The following SIAH2 variants were observed in gnomAD, a reference collection of about 807,000 sequenced individuals.
The protein encoded by SIAH2 is E3 ubiquitin-protein ligase SIAH2.
Under a neutral mutation model 20.4 loss-of-function variants are expected in SIAH2, and 4 were observed. The ratio of observed to expected loss-of-function variants is 0.20; its 90% CI spans 0.10 to 0.45. The LOEUF is 0.45. SIAH2 is among the 20% of genes least tolerant of loss of function. SIAH2 has a pLI of 0.99. For missense variants in SIAH2, 259 were observed against 440.3 expected, an observed-to-expected ratio of 0.59 and a Z score of 3.69; for synonymous variants, 171 against 192.5, an observed-to-expected ratio of 0.89 and a Z score of 0.93.
In SIAH2 at chr3:150,762,720, C is replaced by G; in HGVS notation, c.130G>C (p.Gly44Arg). ...GCCGCGGCGGGCACCGCGGACGAGC[C>G]GGGGCCCGCAGCCGAGATGGTGGCG... is the stretch of plus-strand genomic sequence containing the variant. ...AAATISAAGP[G>R]SSAVPAAAAV... Residue 44 changes from glycine to arginine, a missense_variant, in exon 1 of 2, where the codon GGC becomes CGC. This residue lies in a region of SIAH2 where 99 missense variants were observed against 112.7 expected (regional missense o/e 0.88). Coordinates refer to ENST00000312960, the MANE Select transcript of SIAH2 (RefSeq NM_005067.7). This position sits in a 1 kb window ranked among gnomAD's most constrained non-coding sequence, Gnocchi z 6.6. The G allele has an allele frequency of 8.3e-7, 1 of 1,198,692 alleles. No homozygotes were observed. Among genetic ancestry groups the G allele is most frequent in the Non-Finnish European group, 1.0e-6 (1 of 962,182 alleles). 74.3% of individuals were successfully genotyped at this position (1,198,692 alleles called of 1,614,324 possible).
At chr3:150,758,829 G>C (rs1458230319) in intron 1 of SIAH2, among the ~76,000 whole-genome samples, 1 of 150,340 alleles carries the variant, frequency 6.7e-6, no homozygotes, top group African/African-American at 2.5e-5. Context: ...TGCAACCTCT[G>C]CCTCCCGGGT....
intron 1 of SIAH2, among the ~76,000 whole-genome samples, chr3:150,753,884 A>T (rs1714424847): frequency 1.3e-5 from 2 of 152,180 alleles, no homozygotes; most frequent in Middle Eastern, 3.2e-3. Context: ...TTAGGAAATA[A>T]CTATATTTTT....
At chr3:150,754,180 A>G (rs963567050) in intron 1 of SIAH2, among the ~76,000 whole-genome samples, 1 of 152,246 alleles carries the variant, frequency 6.6e-6, no homozygotes, top group African/African-American at 2.4e-5. Flanking sequence ...ACAAAGAAAT[A>G]CTTGAGACTG....
At chr3:150,753,635 A>C (rs1368505991) in intron 1 of SIAH2, among the ~76,000 whole-genome samples, 1 of 152,150 alleles carries the variant, frequency 6.6e-6, no homozygotes, top group Non-Finnish European at 1.5e-5. Context: ...TCCTACAAAA[A>C]ATACAAACAT....
At chr3:150,745,282 A>ACACC (rs1714187138) in intron 1 of SIAH2, among the ~76,000 whole-genome samples, 1 of 139,070 alleles carries the variant, frequency 7.2e-6, no homozygotes, top group African/African-American at 2.9e-5. Context: ...CACACACCCC[A>ACACC]CATTTCATAC....
At chr3:150,754,993 C>T (rs898064101) in intron 1 of SIAH2, among the ~76,000 whole-genome samples, 1 of 151,964 alleles carries the variant, frequency 6.6e-6, no homozygotes, top group Non-Finnish European at 1.5e-5. Context: ...TGAACCTGAC[C>T]TCAGACATCG....
At chr3:150,753,343 G>T (rs538149370) in intron 1 of SIAH2, among the ~76,000 whole-genome samples, 1 of 152,254 alleles carries the variant, frequency 6.6e-6, no homozygotes, top group East Asian at 1.9e-4. Context: ...GGTCAGCAGC[G>T]GCCAACTCTG....
At position 150,762,832 on chromosome 3, in the gene SIAH2, G is replaced by A; in HGVS notation, c.18C>T (p.Ser6=). 8.2e-7 allele frequency: 1 copy of A among 1,217,308 alleles called. No individual in the cohort carries two copies. The highest frequency in any genetic ancestry group is 1.0e-6 in the Non-Finnish European group (1 of 964,372). 75.4% of individuals were successfully genotyped at this position (1,217,308 alleles called of 1,614,324 possible). MSRPS[S]TGPSANKPCS... The stretch of plus-strand genomic sequence containing the variant: ...AGGGTTTATTAGCGCTGGGGCCGGT[G>A]GAGGACGGGCGGCTCATCGCGCTCC... Residue 6 remains serine (S), a synonymous_variant, in exon 1 of 2, where the codon TCC becomes TCT. Transcript: ENST00000312960. The surrounding 1 kb of genome is among the most constrained non-coding windows in gnomAD (Gnocchi z 6.6).
Position 150,762,564 on chromosome 3 carries a change from C to A in SIAH2, c.286G>T (p.Ala96Ser). Residue 96 changes from alanine to serine, a missense_variant, in exon 1 of 2, where the codon GCC becomes TCC. Ala to Ser is a moderately conservative substitution (Grantham distance 99). Coordinates refer to ENST00000312960, the MANE Select transcript of SIAH2 (RefSeq NM_005067.7). This position sits in a 1 kb window ranked among gnomAD's most constrained non-coding sequence, Gnocchi z 6.6. ...CATTGGTTACACACCAGGTGCCCGG[C>A]CTGGCACTGCAGAATAGGAGGCAGG... ...YVLPPILQCQ[A>S]GHLVCNQCRQ... 6.2e-7 allele frequency: 1 copy of A among 1,613,498 alleles called. No homozygotes were observed. The highest frequency in any genetic ancestry group is 8.5e-7 in the Non-Finnish European group (1 of 1,179,912).
intron 1 of SIAH2, among the ~76,000 whole-genome samples, chr3:150,758,980 G>C (rs372937329): frequency 4.5e-4 from 69 of 152,068 alleles, no homozygotes; most frequent in African/African-American, 1.5e-3. Context: ...CCTGACCTCA[G>C]GTGATCCACC....
chr3:150,760,398 G>C (rs1714579482), intron 1 of SIAH2, among the ~76,000 whole-genome samples: 1 of 152,178 alleles, frequency 6.6e-6, no homozygotes, highest in African/African-American at 2.4e-5. Flanking sequence ...ATAGAATAGA[G>C]ACTCAGAAAA....
chr3:150,742,982 C>A lies in SIAH2; in HGVS notation c.418-284G>T, dbSNP rs1346703844. On this transcript the variant is annotated intron_variant, in intron 1 of 1. Coordinates refer to ENST00000312960, the MANE Select transcript of SIAH2 (RefSeq NM_005067.7). The surrounding 1 kb of genome is among the most constrained non-coding windows in gnomAD (Gnocchi z 4.8). Reference sequence around the variant, plus strand: ...TCAGAACTAAAGTTCTCTTACTGTGCACATCTCAAAATTGTTGAGCAAGCC... The same window carrying A: ...TCAGAACTAAAGTTCTCTTACTGTGAACATCTCAAAATTGTTGAGCAAGCC... Among the ~76,000 whole-genome samples the A allele has an allele frequency of 3.9e-5, 6 of 152,182 alleles. No homozygotes were observed. Among genetic ancestry groups the A allele is most frequent in the Non-Finnish European group, 5.9e-5 (4 of 68,028 alleles).
chr3:150,752,270 G>A (rs1714389059), intron 1 of SIAH2, among the ~76,000 whole-genome samples: 2 of 152,232 alleles, frequency 1.3e-5, no homozygotes, highest in Admixed American at 6.5e-5. Flanking sequence ...ATTTCTCAAC[G>A]AAAGCAACTG....
rs142685001 is a variant in SIAH2 at position 150,748,388 on chromosome 3, C to T, written c.418-5690G>A. ...GAAATGAGTATGCAAGCAAAATAAG[C>T]CTTCTTAGCCATGGTGCTAGTGAAG... On this transcript the variant is annotated intron_variant, in intron 1 of 1. Coordinates refer to ENST00000312960, the MANE Select transcript of SIAH2 (RefSeq NM_005067.7). Among the ~76,000 whole-genome samples, 657 of 152,268 alleles carry T rather than the reference C, an allele frequency of 4.3e-3. 5 individuals carry two copies. Among genetic ancestry groups the T allele is most frequent in the African/African-American group, 0.015 (624 of 41,534 alleles).
chr3:150,754,012 C>CA (rs1399429285), intron 1 of SIAH2, among the ~76,000 whole-genome samples: 1 of 152,098 alleles, frequency 6.6e-6, no homozygotes, highest in Non-Finnish European at 1.5e-5. Context: ...TATAGAACTG[C>CA]AATATGTGGC....
At chr3:150,743,111 C>A (rs947593646) in intron 1 of SIAH2, among the ~76,000 whole-genome samples, 47 of 152,082 alleles carry the variant, frequency 3.1e-4, no homozygotes, top group African/African-American at 1.1e-3. Flanking sequence ...TTATATTATC[C>A]CAAGATTAGT....
chr3:150,762,886 C>A lies in SIAH2; in HGVS notation c.-37G>T. On this transcript the variant is annotated 5_prime_UTR_variant, in exon 1 of 2. Coordinates refer to ENST00000312960, the MANE Select transcript of SIAH2 (RefSeq NM_005067.7). The surrounding 1 kb of genome is among the most constrained non-coding windows in gnomAD (Gnocchi z 6.6). ...CCAACCATGGAACTGCGGGCGCCTG[C>A]CTGCCGCGGGGCCGCCCGGGTCAAG... The A allele has an allele frequency of 8.6e-7, 1 of 1,165,954 alleles. No homozygotes were observed. Among genetic ancestry groups the A allele is most frequent in the East Asian group, 4.3e-5 (1 of 23,412 alleles). The allele number at this position is 1,165,954 out of a possible 1,614,324, so 72.2% of individuals were successfully genotyped here.
intron 1 of SIAH2, among the ~76,000 whole-genome samples, chr3:150,748,930 G>A (rs1377702517): frequency 1.3e-5 from 2 of 152,126 alleles, no homozygotes; most frequent in African/African-American, 4.8e-5. Context: ...TTAGATAATA[G>A]GATCTGCTGT....
At chr3:150,761,772 G>A (rs1714617513) in intron 1 of SIAH2, among the ~76,000 whole-genome samples, 1 of 152,098 alleles carries the variant, frequency 6.6e-6, no homozygotes, top group Admixed American at 6.5e-5. Flanking sequence ...GCTCTTGAGT[G>A]CCCTTGTTAA....
Sources: gnomAD v4.1 joint callset for allele counts (sites outside exome capture counted in the v4.1 genomes callset) on GRCh38, gnomAD v4.1.1 for gene constraint, gnomAD v4.1.1 regional missense constraint, Gnocchi (gnomAD v3.1) non-coding constraint, MANE v1.5 for transcripts, NCBI Gene and HGNC (gene_info 2026-07-23, HGNC 2026-07-21) for gene names.